The following SDK2 variants were observed in gnomAD, a reference collection of about 807,000 sequenced individuals.
SDK2 encodes sidekick cell adhesion molecule 2, also known as protein sidekick-2.
SDK2 carries 105 observed loss-of-function variants against 253.9 expected under a neutral mutation model. That is an observed-to-expected ratio of 0.41 (90% CI 0.35 to 0.49). The LOEUF is 0.49. SDK2 is among the 20% of genes least tolerant of loss of function. The pLI is 0.06. For missense variants in SDK2, 2,608 were observed against 3,003.0 expected (o/e 0.87, Z 3.07); for synonymous variants, 1,249 against 1,234.9 (o/e 1.01, Z -0.24).
intron 36 of SDK2, among the ~76,000 whole-genome samples, chr17:73,370,550 C>T (rs1191705435): frequency 7.0e-6 from 1 of 143,534 alleles, no homozygotes; most frequent in African/African-American, 2.8e-5. Context: ...GCCCTCTCTC[C>T]CATTTTATTT....
At chr17:73,392,017 G>C (rs2062932417) in intron 27 of SDK2, among the ~76,000 whole-genome samples, 1 of 152,146 alleles carries the variant, frequency 6.6e-6, no homozygotes, top group Admixed American at 6.5e-5. Flanking sequence ...GCCCAGAGAG[G>C]CCTAAGCACG....
chr17:73,506,483 T>C (rs763610890), intron 2 of SDK2, among the ~76,000 whole-genome samples: 1 of 152,168 alleles, frequency 6.6e-6, no homozygotes, highest in Non-Finnish European at 1.5e-5. Context: ...CTCCAAACTC[T>C]GGCCTCCGCA....
intron 15 of SDK2, among the ~76,000 whole-genome samples, chr17:73,421,555 C>T (rs8064952): frequency 0.028 from 3,824 of 135,348 alleles, 181 homozygotes; most frequent in African/African-American, 0.098. Flanking sequence ...GCATCTGCAG[C>T]TTTTATTCAA....
At position 73,385,819 on chromosome 17, in the gene SDK2, C is replaced by T. The variant is rs188475467; in HGVS notation, c.4569+28G>A. ...AGAGCAGAGCTCGTCTGGGTCTTCA[C>T]GGAGGTTTCCTGCCCGCTGGGCCAT... On this transcript the variant is annotated intron_variant, in intron 32 of 44. Coordinates refer to ENST00000392650, the MANE Select transcript of SDK2 (RefSeq NM_001144952.2). 1.8e-3 allele frequency: 2,782 copies of T among 1,582,866 alleles called. 10 individuals are homozygous for T. Among genetic ancestry groups the T allele is most frequent in the Non-Finnish European group, 2.1e-3 (2,489 of 1,163,432 alleles).
In SDK2 at chr17:73,618,850, A is replaced by T. The variant is rs545093647; in HGVS notation, c.64+25175T>A. Among the ~76,000 whole-genome samples, 4 of 152,160 alleles carry T rather than the reference A, an allele frequency of 2.6e-5. No individual in the cohort carries two copies. In the South Asian group the frequency reaches 8.3e-4, roughly 32 times the overall value. ...ACAAAACCCACAGCTAACAACTATG[A>T]ACCCTGGACAGAACACCAAAAAAGC... is the stretch of plus-strand genomic sequence containing the variant. On this transcript the variant is annotated intron_variant, in intron 1 of 44. Transcript: ENST00000392650. The surrounding 1 kb of genome is among the most constrained non-coding windows in gnomAD (Gnocchi z 4.1).
rs2145694979 is a variant in SDK2, at chr17:73,472,183, C to T, written c.260G>A (p.Gly87Asp). 6.4e-7 allele frequency: 1 copy of T among 1,551,690 alleles called. No homozygotes were observed. The highest frequency in any genetic ancestry group is 1.2e-5 in the South Asian group (1 of 84,054). ...GTTCCGCACGATGCAACGGTAAAAGCCAGCGTGGGTGCGGTCCAGGCTGGT... is the reference window on the plus strand; with the variant it reads ...GTTCCGCACGATGCAACGGTAAAAGTCAGCGTGGGTGCGGTCCAGGCTGGT... ...MITSLDRTHA[G>D]FYRCIVRNRM... The change falls in exon 3 of 45, where the codon GGC becomes GAC. Residue 87 changes from glycine to aspartate, a missense_variant. Around this residue, in one of 2 missense-constraint regions of SDK2, gnomAD observed 1,505 missense variants for 1,859.1 expected, o/e 0.81. Transcript: ENST00000392650.
intron 27 of SDK2, among the ~76,000 whole-genome samples, chr17:73,393,002 T>C (rs2062940487): frequency 6.6e-6 from 1 of 152,012 alleles, no homozygotes; most frequent in African/African-American, 2.4e-5. Flanking sequence ...TGCAGCATGT[T>C]GGGAGGCTGA....
At position 73,338,819 on chromosome 17, in the gene SDK2, C is replaced by G. The variant is rs749515894; in HGVS notation, c.6287G>C (p.Arg2096Thr). Residue 2096 changes from arginine (R) to threonine (T), a missense_variant, in exon 45 of 45, where the codon AGG (arginine) becomes ACG (threonine). Transcript: ENST00000392650. This position sits in a 1 kb window ranked among gnomAD's most constrained non-coding sequence, Gnocchi z 5.0. ...CTCCGTGTAGCTGTAGGCCTGTGCC[C>G]TCGAGATGCCCTTCTGCTGTCGCCG... Reference protein sequence around the residue: ...SWRRQQKGISRAQAYSYTESD... With the variant: ...SWRRQQKGISTAQAYSYTESD... 49 of 1,613,854 alleles carry G rather than the reference C, an allele frequency of 3.0e-5. No individual in the cohort carries two copies. In the South Asian group the frequency reaches 5.2e-4, roughly 17 times the overall value.
intron 2 of SDK2, among the ~76,000 whole-genome samples, chr17:73,497,678 G>T (rs536360767): frequency 6.7e-6 from 1 of 150,330 alleles, no homozygotes; most frequent in Non-Finnish European, 1.5e-5. Context: ...TGGCCCAGCC[G>T]CCCCTCGCAG....
intron 3 of SDK2, among the ~76,000 whole-genome samples, chr17:73,466,713 A>AC (rs201159167): frequency 0.041 from 3,373 of 81,398 alleles, 526 homozygotes; most frequent in African/African-American, 0.066. Context: ...GCTCTGGGGA[A>AC]CGCCCCCCCC....
chr17:73,424,551 CA>C (rs2063263913), intron 12 of SDK2, among the ~76,000 whole-genome samples: 1 of 152,144 alleles, frequency 6.6e-6, no homozygotes, highest in East Asian at 1.9e-4. Context: ...CTATAGTGTC[CA>C]AAAAAATCCC....
chr17:73,494,650 C>A (rs910262712), intron 2 of SDK2, among the ~76,000 whole-genome samples: 12 of 152,194 alleles, frequency 7.9e-5, no homozygotes, highest in African/African-American at 2.4e-4. Context: ...GCACAAGGAG[C>A]CAGCTGTGCC....
intron 1 of SDK2, among the ~76,000 whole-genome samples, chr17:73,596,169 TTGGGACAGAGCCAC>T (rs2045755738): frequency 6.6e-6 from 1 of 152,006 alleles, no homozygotes; most frequent in Admixed American, 6.5e-5. Flanking sequence ...CTGGGCAGCT[TTGGGACAGAGCCAC>T]TGGGCAATCT....
Position 73,452,261 on chromosome 17 carries a change from C to T in SDK2, c.479+3645G>A, listed in dbSNP as rs554769856. Among the ~76,000 whole-genome samples the T allele has an allele frequency of 1.2e-4, 19 of 152,300 alleles. No homozygotes were observed. The South Asian group carries it at 1.7e-3, about 13-fold the overall frequency. ...GAGAGCGGCTCTCTGTAGATAGCAG[C>T]GCCTTCTGTGCCCTGCACACCCCTC... On this transcript the variant is annotated intron_variant, in intron 4 of 44. Transcript: ENST00000392650.
chr17:73,412,900 C>A (rs1044939427), intron 18 of SDK2, among the ~76,000 whole-genome samples: 2 of 152,190 alleles, frequency 1.3e-5, no homozygotes, highest in Non-Finnish European at 2.9e-5. Flanking sequence ...AGAGTGAAGA[C>A]AGACACCTAG....
intron 12 of SDK2, among the ~76,000 whole-genome samples, chr17:73,428,343 C>T (rs547022396): frequency 5.9e-5 from 9 of 152,146 alleles, no homozygotes; most frequent in Admixed American, 2.6e-4. Flanking sequence ...GGATTATGGG[C>T]GTGAGGCACG....
In SDK2 at chr17:73,335,623, A is replaced by G. The variant is rs1454644224; in HGVS notation, c.*2964T>C. On this transcript the variant is annotated 3_prime_UTR_variant, in exon 45 of 45. Coordinates refer to ENST00000392650, the MANE Select transcript of SDK2 (RefSeq NM_001144952.2). ...AGCTGTGGCTGGGGCTGTGGAGACAATATTCCAGATGAGTGGGTATTGACT... is the reference window on the plus strand; with the variant it reads ...AGCTGTGGCTGGGGCTGTGGAGACAGTATTCCAGATGAGTGGGTATTGACT... 3 of 152,216 alleles carry G rather than the reference A, an allele frequency of 2.0e-5. No homozygotes were observed. The highest frequency in any genetic ancestry group is 6.5e-5 in the Admixed American group (1 of 15,282). The allele number at this position is 152,216 out of a possible 1,614,324, so 9.4% of individuals were successfully genotyped here.
chr17:73,539,860 C>T (rs372497672), intron 1 of SDK2, among the ~76,000 whole-genome samples: 13 of 152,120 alleles, frequency 8.5e-5, no homozygotes, highest in African/African-American at 2.4e-4. Flanking sequence ...TGGAGTCATG[C>T]GGCTGTGAGC....
chr17:73,428,525 T>C (rs1223945778), intron 12 of SDK2, among the ~76,000 whole-genome samples: 1 of 152,182 alleles, frequency 6.6e-6, no homozygotes, highest in Admixed American at 6.5e-5. Context: ...TTCTATTAGG[T>C]TGGTGCAAAA....
Sources: gnomAD v4.1 joint callset for allele counts (sites outside exome capture counted in the v4.1 genomes callset) on GRCh38, gnomAD v4.1.1 for gene constraint, gnomAD v4.1.1 regional missense constraint, Gnocchi (gnomAD v3.1) non-coding constraint, MANE v1.5 for transcripts, NCBI Gene and HGNC (gene_info 2026-07-23, HGNC 2026-07-21) for gene names.